ASPG: variants seen among roughly 807,000 people sequenced by gnomAD.
ASPG encodes the protein asparaginase.
Under a neutral mutation model 63.2 loss-of-function variants are expected in ASPG, and 53 were observed. The ratio of observed to expected loss-of-function variants is 0.84; its 90% confidence interval spans 0.67 to 1.05. ASPG has a LOEUF of 1.05. ASPG is among the 50% of genes least tolerant of loss of function. The pLI is 0.00. For synonymous variants in ASPG, 370 were observed against 355.0 expected, an observed-to-expected ratio of 1.04 and a Z score of -0.48; for missense variants, 741 against 794.4, an observed-to-expected ratio of 0.93 and a Z score of 0.81.
intron 3 of ASPG, among the ~76,000 whole-genome samples, chr14:104,095,302 G>T (rs552317805): frequency 1.3e-5 from 2 of 152,194 alleles, no homozygotes; most frequent in Non-Finnish European, 2.9e-5. Context: ...GAGCCTCAGC[G>T]TGGTGGGTGC....
chr14:104,106,745 C>A, intron 10 of ASPG, 54 bp from the exon 11 acceptor site: 1 of 1,484,990 alleles, frequency 6.7e-7, no homozygotes. Flanking sequence ...ACTGCCAGTT[C>A]CACCAGATGC....
chr14:104,108,884 T>C (rs2037264458), intron 12 of ASPG: 2 of 985,116 alleles, frequency 2.0e-6, no homozygotes, highest in African/African-American at 1.7e-5. Flanking sequence ...TTGGAATGGG[T>C]TGGGGAGACT....
intron 3 of ASPG, 103 bp from the exon 4 acceptor site, chr14:104,095,428 C>T (rs748160590): frequency 3.9e-6 from 6 of 1,532,942 alleles, no homozygotes; most frequent in Non-Finnish European, 4.4e-6. Flanking sequence ...GGTGCCTCCC[C>T]TGAGTCCTCC....
chr14:104,109,001 TAAG>T lies in ASPG; in HGVS notation c.1434-224_1434-222del. 1 of 985,336 alleles carries T rather than the reference TAAG, an allele frequency of 1.0e-6. No individual in the cohort carries two copies. The highest frequency in any genetic ancestry group is 1.2e-6 in the Non-Finnish European group (1 of 829,900). The allele number at this position is 985,336 out of a possible 1,614,324, so 61.0% of individuals were successfully genotyped here. A position where few individuals can be genotyped will look rare whatever the true frequency, so the allele number is the denominator to read the frequency against. On this transcript the variant is annotated intron_variant, in intron 12 of 15. Coordinates refer to ENST00000551177, the MANE Select transcript of ASPG (RefSeq NM_001080464.3). The surrounding 1 kb of genome is among the most constrained non-coding windows in gnomAD (Gnocchi z 4.8). ...CACCCCTTGCAGACCTCAGCTGCCC[TAAG>T]AAGGAGTACTGGACAAATGGAGGTG...
chr14:104,086,655 C>T (rs1456254993), intron 1 of ASPG, among the ~76,000 whole-genome samples: 1 of 152,096 alleles, frequency 6.6e-6, no homozygotes, highest in Non-Finnish European at 1.5e-5. Context: ...GCCTGGGGCC[C>T]CCAGATGGGC....
intron 12 of ASPG, chr14:104,108,339 TG>T: frequency 1.1e-6 from 1 of 919,428 alleles, no homozygotes; most frequent in Non-Finnish European, 1.3e-6. Context: ...TGGGTGTGGG[TG>T]GGTGGCGCGG....
chr14:104,090,340 C>T (rs906135053), intron 1 of ASPG, among the ~76,000 whole-genome samples: 45 of 152,354 alleles, frequency 3.0e-4, no homozygotes, highest in African/African-American at 1.0e-3. Context: ...CCCACAAAAC[C>T]AAACCAGATA....
intron 8 of ASPG, 40 bp downstream of exon 8, chr14:104,104,526 G>C: frequency 6.3e-7 from 1 of 1,598,746 alleles, no homozygotes; most frequent in Non-Finnish European, 8.5e-7. Context: ...GAAGGGGACA[G>C]CCTGAGGGCC....
rs527385193 is a variant in ASPG, at chr14:104,110,629, A to G, written c.1521-873A>G. The G allele has an allele frequency of 3.2e-4, 314 of 985,276 alleles. No individual in the cohort carries two copies. In the African/African-American group the frequency reaches 5.1e-3, roughly 16 times the overall value. 61.0% of individuals were successfully genotyped at this position (985,276 alleles called of 1,614,324 possible). A position where few individuals can be genotyped will look rare whatever the true frequency, so the allele number is the denominator to read the frequency against. On this transcript the variant is annotated intron_variant, in intron 13 of 15. Transcript: ENST00000551177. This position sits in a 1 kb window ranked among gnomAD's most constrained non-coding sequence, Gnocchi z 4.7. The stretch of plus-strand genomic sequence containing the variant: ...CCAGGAGGGGCCAGTGAGGCCATCC[A>G]GCAGATTCGCTGCAGAGATTACCCA...
intron 1 of ASPG, among the ~76,000 whole-genome samples, chr14:104,090,583 T>G (rs1468347593): frequency 6.6e-6 from 1 of 152,238 alleles, no homozygotes; most frequent in Middle Eastern, 3.2e-3. Flanking sequence ...ACCTCCAGTG[T>G]CTGGTGGCTG....
Position 104,110,917 on chromosome 14 carries a change from C to T in ASPG, c.1521-585C>T. ...TGCTCCCCACTCCAGGGCAGGTGGG[C>T]CCAGACCCCTGTCCCAGCCAGGACC... On this transcript the variant is annotated intron_variant, in intron 13 of 15. Transcript: ENST00000551177. This position sits in a 1 kb window ranked among gnomAD's most constrained non-coding sequence, Gnocchi z 4.7. 1 of 985,370 alleles carries T rather than the reference C, an allele frequency of 1.0e-6. No homozygotes were observed. Among genetic ancestry groups the T allele is most frequent in the Non-Finnish European group, 1.2e-6 (1 of 829,902 alleles). 61.0% of individuals were successfully genotyped at this position (985,370 alleles called of 1,614,324 possible).
At chr14:104,108,653 C>A in intron 12 of ASPG, 1 of 985,452 alleles carries the variant, frequency 1.0e-6, no homozygotes, top group Non-Finnish European at 1.2e-6. Flanking sequence ...GGCCTCGGGC[C>A]TTTGTGCCTC....
At chr14:104,095,973 T>C (rs1018225139) in intron 4 of ASPG, among the ~76,000 whole-genome samples, 19 of 152,102 alleles carry the variant, frequency 1.2e-4, no homozygotes, top group African/African-American at 4.6e-4. Flanking sequence ...GATGCTTCCT[T>C]GCGGCTGCTG....
chr14:104,107,386 G>A (rs1596106664), intron 12 of ASPG, 41 bp downstream of exon 12: 3 of 1,391,800 alleles, frequency 2.2e-6, no homozygotes, highest in Non-Finnish European at 2.8e-6. Context: ...TTGGACAGGT[G>A]GGCGCAGAGA....
intron 4 of ASPG, among the ~76,000 whole-genome samples, chr14:104,096,839 G>T (rs1050905797): frequency 2.0e-5 from 3 of 152,156 alleles, no homozygotes; most frequent in Non-Finnish European, 2.9e-5. Context: ...GCCACCCCCT[G>T]CCAGGGCTCT....
chr14:104,093,889 G>GGTGGGGCTGTGTTGTGA (rs1326073389), intron 3 of ASPG, among the ~76,000 whole-genome samples: 1 of 148,400 alleles, frequency 6.7e-6, no homozygotes, highest in South Asian at 2.2e-4. Context: ...GTGTTTTGTG[G>GGTGGGGCTGTGTTGTGA]GTGGGGCTGT....
At chr14:104,105,569 G>A in intron 10 of ASPG, 119 bp downstream of exon 10, 1 of 1,345,356 alleles carries the variant, frequency 7.4e-7, no homozygotes, top group African/African-American at 1.5e-5. Context: ...CAAACAGTTA[G>A]GCACACCCGG....
chr14:104,108,464 C>T (rs1279047219), intron 12 of ASPG: 17 of 985,462 alleles, frequency 1.7e-5, no homozygotes, highest in South Asian at 1.4e-4. Flanking sequence ...TCCCTGAGGC[C>T]GCCTGCCTGG....
At chr14:104,101,474 G>A (rs1387846983) in intron 6 of ASPG, among the ~76,000 whole-genome samples, 1 of 152,126 alleles carries the variant, frequency 6.6e-6, no homozygotes, top group South Asian at 2.1e-4. Flanking sequence ...GCCAAGGGGT[G>A]GGGGGATGCG....
Sources: allele counts gnomAD v4.1 joint callset (sites outside exome capture counted in the v4.1 genomes callset), GRCh38; gene constraint gnomAD v4.1.1; non-coding constraint Gnocchi (gnomAD v3.1); transcripts MANE v1.5; gene names NCBI Gene and HGNC (gene_info 2026-07-23, HGNC 2026-07-21).